CACNA1D: variants seen among roughly 807,000 people sequenced by gnomAD.
CACNA1D encodes the protein calcium voltage-gated channel subunit alpha1 D.
CACNA1D carries 55 observed loss-of-function variants against 257.1 expected under a neutral mutation model. The observed-to-expected ratio is 0.21, with a 90% confidence interval of 0.17 to 0.27. The LOEUF (loss-of-function observed/expected upper bound fraction) is 0.27. Among genes scored for constraint, CACNA1D ranks in the 10% least tolerant of loss-of-function variants. CACNA1D has a pLI of 1.00. For synonymous variants in CACNA1D, 980 were observed against 1,014.9 expected, an observed-to-expected ratio of 0.97 and a Z score of 0.65; for missense variants, 1,876 against 2,784.0, an observed-to-expected ratio of 0.67 and a Z score of 7.34.
At chr3:53,763,921 G>A (rs572113803) in intron 30 of CACNA1D, among the ~76,000 whole-genome samples, 1 of 152,256 alleles carries the variant, frequency 6.6e-6, no homozygotes, top group African/African-American at 2.4e-5. Flanking sequence ...GAATATTCGG[G>A]AAAATGCTTG....
chr3:53,684,938 A>T (rs1157722260), intron 8 of CACNA1D, among the ~76,000 whole-genome samples: 1 of 152,182 alleles, frequency 6.6e-6, no homozygotes, highest in Non-Finnish European at 1.5e-5. Flanking sequence ...ATAAAATGGA[A>T]TATTAAATAG....
chr3:53,562,654 T>TC (rs71074927), intron 3 of CACNA1D, among the ~76,000 whole-genome samples: 25,047 of 142,752 alleles, frequency 0.18, 2,171 homozygotes, highest in South Asian at 0.27. Context: ...CATAAATGCC[T>TC]CCCCCCCCAA....
At chr3:53,807,240 T>G (rs1025288827) in intron 45 of CACNA1D, among the ~76,000 whole-genome samples, 2 of 152,204 alleles carry the variant, frequency 1.3e-5, no homozygotes, top group African/African-American at 4.8e-5. Context: ...AGCCCGGCCA[T>G]TCGATCTGGA....
intron 28 of CACNA1D, among the ~76,000 whole-genome samples, chr3:53,753,235 C>G (rs1423917608): frequency 6.6e-6 from 1 of 152,254 alleles, no homozygotes; most frequent in East Asian, 1.9e-4. Context: ...AATTCTACCT[C>G]TATTCATAGA....
At chr3:53,701,451 CA>C (rs1312981096) in intron 8 of CACNA1D, among the ~76,000 whole-genome samples, 1 of 152,156 alleles carries the variant, frequency 6.6e-6, no homozygotes, top group Non-Finnish European at 1.5e-5. Context: ...TTTATGAAAG[CA>C]GGTCACTTCC....
At chr3:53,802,267 G>C in intron 43 of CACNA1D, 94 bp downstream of exon 43, 1 of 1,017,962 alleles carries the variant, frequency 9.8e-7, no homozygotes, top group Non-Finnish European at 1.6e-6. Flanking sequence ...ACACTTCTTT[G>C]AGCCAGCCTA....
chr3:53,611,328 T>C (rs1051842129), intron 3 of CACNA1D, among the ~76,000 whole-genome samples: 3 of 152,148 alleles, frequency 2.0e-5, no homozygotes, highest in Non-Finnish European at 4.4e-5. Context: ...GAGGCTGCAG[T>C]TGAGTCATGA....
Position 53,778,141 on chromosome 3 carries a change from G to T in CACNA1D, c.4587+1185G>T, listed in dbSNP as rs74475857. 8.6e-3 allele frequency among the ~76,000 whole-genome samples: 1,310 copies of T among 152,126 alleles called. 21 individuals are homozygous for T. The highest frequency in any genetic ancestry group is 0.029 in the African/African-American group (1,208 of 41,498). ...AAATCCAGAAAGCCTTCTAGGCAAG[G>T]CCTTAGGGTCCTTGCCTCTCTTCAG... On this transcript the variant is annotated intron_variant, in intron 37 of 47. Transcript: ENST00000350061.
intron 3 of CACNA1D, among the ~76,000 whole-genome samples, chr3:53,650,047 A>G (rs983853532): frequency 1.3e-5 from 2 of 152,230 alleles, no homozygotes; most frequent in African/African-American, 2.4e-5. Flanking sequence ...TCAGATGGGC[A>G]TGGCTGCTGG....
At chr3:53,558,966 G>A (rs9829879) in intron 3 of CACNA1D, among the ~76,000 whole-genome samples, 2,786 of 152,158 alleles carry the variant, frequency 0.018, 96 homozygotes, top group African/African-American at 0.062. Context: ...ACACAACACC[G>A]TTTCTTCTCT....
At position 53,726,945 on chromosome 3, in the gene CACNA1D, T is replaced by G. The variant is rs1469083301; in HGVS notation, c.2167T>G (p.Ser723Ala). The change falls in exon 15 of 48, where the codon TCT becomes GCT. Residue 723 changes from serine (S) to alanine (A), a missense_variant. By Grantham distance (99) the Ser-to-Ala change is moderately conservative. Coordinates refer to ENST00000350061, the MANE Select transcript of CACNA1D (RefSeq NM_001128840.3). ...CATCATGGCTTACGGGGGCCCATCC[T>G]CTTCAGGAATGATCGTCTGCATCTA... Reference protein sequence around the residue: ...DGIMAYGGPSSSGMIVCIYFI... With the variant: ...DGIMAYGGPSASGMIVCIYFI... 6.2e-7 allele frequency: 1 copy of G among 1,614,208 alleles called. No individual in the cohort carries two copies. The highest frequency in any genetic ancestry group is 8.5e-7 in the Non-Finnish European group (1 of 1,180,008).
rs2095181086 is a variant in CACNA1D, at chr3:53,747,458, G to A, written c.3314+10G>A. 1.2e-6 allele frequency: 2 copies of A among 1,613,936 alleles called. No individual in the cohort carries two copies. Among genetic ancestry groups the A allele is most frequent in the Non-Finnish European group, 1.7e-6 (2 of 1,179,944 alleles). On this transcript the variant is annotated intron_variant, in intron 26 of 47. Coordinates refer to ENST00000350061, the MANE Select transcript of CACNA1D (RefSeq NM_001128840.3). ...TTGAGGGCTGGCCTGCGTAAGTACAGGGAGCACACAGTCTTCTGGAGAGGC... is the reference window on the plus strand; with the variant it reads ...TTGAGGGCTGGCCTGCGTAAGTACAAGGAGCACACAGTCTTCTGGAGAGGC...
chr3:53,792,024 G>A (rs540893472), intron 40 of CACNA1D: 17 of 152,308 alleles, frequency 1.1e-4, no homozygotes, highest in Admixed American at 3.9e-4. Flanking sequence ...AAAGCACTTT[G>A]AACGTATAAT....
chr3:53,585,757 A>G (rs561269337), intron 3 of CACNA1D, among the ~76,000 whole-genome samples: 1 of 152,250 alleles, frequency 6.6e-6, no homozygotes, highest in South Asian at 2.1e-4. Context: ...GTCCACGCAG[A>G]CAGGGCTGTA....
intron 3 of CACNA1D, among the ~76,000 whole-genome samples, chr3:53,630,733 A>G (rs2093813117): frequency 6.6e-6 from 1 of 152,234 alleles, no homozygotes; most frequent in African/African-American, 2.4e-5. Flanking sequence ...GTGTTGGAAA[A>G]GAGGTCAAGA....
chr3:53,745,896 G>GT, intron 25 of CACNA1D, 21 bp downstream of exon 25: 1 of 1,598,326 alleles, frequency 6.3e-7, no homozygotes, highest in South Asian at 1.1e-5. Flanking sequence ...TGAGAGTGGA[G>GT]TAGGGGACTT....
chr3:53,759,156 G>C (rs979301179), intron 29 of CACNA1D, among the ~76,000 whole-genome samples: 1 of 152,200 alleles, frequency 6.6e-6, no homozygotes, highest in African/African-American at 2.4e-5. Context: ...AGTGTGAGGG[G>C]TTTCTGGAGA....
In CACNA1D at chr3:53,702,784, AAGG is replaced by A. The variant is rs767282463; in HGVS notation, c.1370_1372del (p.Gly457del). On this transcript the variant is annotated inframe_deletion, in exon 9 of 48. Transcript: ENST00000350061. ...GACATCGATCCGGAGAATGAGGAAG[AAGG>A]AGGAGAGGAAGGCAAACGAAATAGT... The A allele has an allele frequency of 3.1e-6, 5 of 1,614,228 alleles. No individual in the cohort carries two copies. The South Asian group carries it at 3.3e-5, about 11-fold the overall frequency.
intron 18 of CACNA1D, among the ~76,000 whole-genome samples, chr3:53,732,502 C>T (rs574154632): frequency 6.6e-6 from 1 of 152,310 alleles, no homozygotes; most frequent in Admixed American, 6.5e-5. Flanking sequence ...ACTGGGGAAA[C>T]AGCCAGGTGT....
Sources: gnomAD v4.1 joint callset for allele counts (sites outside exome capture counted in the v4.1 genomes callset) on GRCh38, gnomAD v4.1.1 for gene constraint, MANE v1.5 for transcripts, NCBI Gene and HGNC (gene_info 2026-07-23, HGNC 2026-07-21) for gene names.